The following EML1 variants were observed in gnomAD, a reference collection of about 807,000 sequenced individuals.
EML1 encodes echinoderm microtubule-associated protein-like 1.
A neutral mutation model predicts 110.4 loss-of-function variants in EML1; 27 were observed. That is an observed-to-expected ratio of 0.24 (90% confidence interval 0.18 to 0.34). The LOEUF (loss-of-function observed/expected upper bound fraction) is 0.34. Ranked by LOEUF, EML1 falls within the 10% of genes least tolerant of loss-of-function variation. The probability of loss-of-function intolerance (pLI) is 1.00; values close to 1 mark genes in which losing one functional copy is unlikely to be tolerated. For missense variants in EML1, 741 were observed against 1,030.9 expected, an observed-to-expected ratio of 0.72 and a Z score of 3.85; for synonymous variants, 344 against 385.8, an observed-to-expected ratio of 0.89 and a Z score of 1.27.
At chr14:99,913,321 G>A (rs1048625464) in intron 13 of EML1, among the ~76,000 whole-genome samples, 15 of 151,742 alleles carry the variant, frequency 9.9e-5, no homozygotes, top group African/African-American at 3.1e-4. Context: ...GCTACTACAC[G>A]CACCACCATA....
chr14:99,830,438 G>A (rs947006813), intron 1 of EML1, among the ~76,000 whole-genome samples: 5 of 152,206 alleles, frequency 3.3e-5, no homozygotes, highest in African/African-American at 1.2e-4. Context: ...TTTCCAGGAA[G>A]CTTATTCTCT....
chr14:99,817,835 C>T (rs942255873), intron 1 of EML1, among the ~76,000 whole-genome samples: 9 of 152,242 alleles, frequency 5.9e-5, no homozygotes, highest in Non-Finnish European at 1.3e-4. Context: ...CTCGTAAGTG[C>T]CATGATCACA....
intron 1 of EML1, among the ~76,000 whole-genome samples, chr14:99,785,001 A>G (rs2140220355): frequency 6.6e-6 from 1 of 152,366 alleles, no homozygotes; most frequent in Admixed American, 6.5e-5. Context: ...AAGGACCCTG[A>G]AAGCCAGTCT....
intron 4 of EML1, chr14:99,886,009 G>T: frequency 2.6e-6 from 1 of 379,220 alleles, no homozygotes; most frequent in Non-Finnish European, 5.1e-6. Context: ...TGAAGCAGTC[G>T]CTTTTGTCCC....
intron 12 of EML1, among the ~76,000 whole-genome samples, 187 bp downstream of exon 12, chr14:99,910,528 G>A (rs1047968635): frequency 1.3e-5 from 2 of 152,158 alleles, no homozygotes; most frequent in Non-Finnish European, 2.9e-5. Context: ...GAGGAAAAGC[G>A]GAGAATAGTA....
chr14:99,771,080 G>C (rs1477976462), upstream of EML1, among the ~76,000 whole-genome samples: 3 of 152,060 alleles, frequency 2.0e-5, no homozygotes, highest in African/African-American at 7.2e-5. Flanking sequence ...CACCGCGCCC[G>C]GCCTCCCACT....
At chr14:99,901,500 T>C (rs541936127) in intron 9 of EML1, among the ~76,000 whole-genome samples, 1 of 152,316 alleles carries the variant, frequency 6.6e-6, no homozygotes, top group African/African-American at 2.4e-5. Flanking sequence ...ATTAGGAAAG[T>C]AAAACACTAA....
chr14:99,931,382 A>G (rs1014570254), intron 17 of EML1, among the ~76,000 whole-genome samples: 4 of 152,190 alleles, frequency 2.6e-5, no homozygotes, highest in Non-Finnish European at 4.4e-5. Context: ...TCATCTGCAG[A>G]GCAAGTCTAA....
At chr14:99,843,844 A>C (rs1429834526) in intron 1 of EML1, among the ~76,000 whole-genome samples, 2 of 152,212 alleles carry the variant, frequency 1.3e-5, no homozygotes, top group Admixed American at 6.5e-5. Flanking sequence ...TGTTACACCA[A>C]CCTGACTCTG....
At chr14:99,838,926 T>TGG (rs2139797529) in intron 1 of EML1, 2 of 141,122 alleles carry the variant, frequency 1.4e-5, no homozygotes, top group Non-Finnish European at 3.2e-5. Flanking sequence ...CGCGTGTGTG[T>TGG]GTGTGCGCGC....
chr14:99,802,939 C>G (rs2057908633), intron 1 of EML1, among the ~76,000 whole-genome samples: 1 of 152,082 alleles, frequency 6.6e-6, no homozygotes, highest in African/African-American at 2.4e-5. Context: ...ACTTTAGCAC[C>G]CAGGGCCCCA....
intron 1 of EML1, among the ~76,000 whole-genome samples, chr14:99,834,362 G>GTGCAGTCTCGGCTCAC (rs1159564335): frequency 6.6e-6 from 1 of 151,754 alleles, no homozygotes; most frequent in Admixed American, 6.6e-5. Context: ...GAGTGCAGTG[G>GTGCAGTCTCGGCTCAC]TGCAGTCTCG....
At chr14:99,805,033 G>T (rs959252846) in intron 1 of EML1, among the ~76,000 whole-genome samples, 1 of 152,124 alleles carries the variant, frequency 6.6e-6, no homozygotes, top group Admixed American at 6.6e-5. Context: ...TCCCTGCAGC[G>T]TCCCTTCCTA....
chr14:99,880,902 T>A (rs1053319931), intron 4 of EML1, among the ~76,000 whole-genome samples: 1 of 152,240 alleles, frequency 6.6e-6, no homozygotes, highest in Admixed American at 6.5e-5. Flanking sequence ...ATAGTTCTTA[T>A]AAAGACAGGC....
intron 1 of EML1, among the ~76,000 whole-genome samples, chr14:99,793,843 G>A (rs1050562521): frequency 8.6e-5 from 13 of 150,734 alleles, no homozygotes; most frequent in Non-Finnish European, 1.8e-4. Flanking sequence ...GAGGCGCGTG[G>A]GGCACAGGGC....
In EML1 at chr14:99,936,014, G is replaced by T; in HGVS notation, c.1910-15G>T. ...ATTGTTAACATCTGAAATGTAATTT[G>T]TCATCTTTTTATAGATGGGAATTTC... On this transcript the variant is annotated splice_polypyrimidine_tract_variant and intron_variant, in intron 17 of 21. Transcript: ENST00000262233. This position sits in a 1 kb window ranked among gnomAD's most constrained non-coding sequence, Gnocchi z 5.5. The T allele has an allele frequency of 6.2e-7, 1 of 1,611,208 alleles. No homozygotes were observed. Among genetic ancestry groups the T allele is most frequent in the African/African-American group, 1.3e-5 (1 of 74,974 alleles).
chr14:99,827,400 G>T lies in EML1; in HGVS notation c.68-23453G>T, dbSNP rs114280621. On this transcript the variant is annotated intron_variant, in intron 1 of 21. Coordinates refer to ENST00000262233, the MANE Select transcript of EML1 (RefSeq NM_004434.3). The surrounding 1 kb of genome is among the most constrained non-coding windows in gnomAD (Gnocchi z 4.4). ...TACCCCGGCAGAGTAGCGGCACCTA[G>T]TAGCCACAAGTAAGGTGCAAATACC... Among the ~76,000 whole-genome samples the T allele has an allele frequency of 0.016, 2,434 of 152,228 alleles. 59 individuals are homozygous for T. The highest frequency in any genetic ancestry group is 0.054 in the African/African-American group (2,257 of 41,522).
chr14:99,762,938 T>C (rs59979979), intron 1 of EML1, among the ~76,000 whole-genome samples: 14,901 of 152,210 alleles, frequency 0.098, 956 homozygotes, highest in South Asian at 0.22. Flanking sequence ...CCTACGTATG[T>C]GTGTGATATG....
chr14:99,864,805 CAAAAAA>C (rs67480916), intron 2 of EML1, among the ~76,000 whole-genome samples: 3 of 99,048 alleles, frequency 3.0e-5, no homozygotes, highest in African/African-American at 7.7e-5. Context: ...AACTCTGTCT[CAAAAAA>C]AAAAAAAAAA....
Sources: gnomAD v4.1 joint callset for allele counts (sites outside exome capture counted in the v4.1 genomes callset) on GRCh38, gnomAD v4.1.1 for gene constraint, Gnocchi (gnomAD v3.1) non-coding constraint, MANE v1.5 for transcripts, NCBI Gene and HGNC (gene_info 2026-07-23, HGNC 2026-07-21) for gene names.